The following ZBTB20 variants were observed in gnomAD, a reference collection of about 807,000 sequenced individuals.
ZBTB20 encodes zinc finger and BTB domain containing 20, also known as zinc finger and BTB domain-containing protein 20.
In ZBTB20, 9 loss-of-function variants were observed where a neutral mutation model predicts 56.9. The ratio of observed to expected loss-of-function variants is 0.16; its 90% CI spans 0.10 to 0.28. ZBTB20 has a LOEUF of 0.28. Ranked by LOEUF, ZBTB20 falls within the 10% of genes least tolerant of loss-of-function variation. ZBTB20 has a pLI of 1.00. For missense variants in ZBTB20, 655 were observed against 1,003.0 expected (o/e 0.65, Z 4.69); for synonymous variants, 417 against 420.7 (o/e 0.99, Z 0.11).
intron 7 of ZBTB20, among the ~76,000 whole-genome samples, chr3:114,421,037 A>G (rs2089118816): frequency 1.3e-5 from 2 of 152,178 alleles, no homozygotes; most frequent in African/African-American, 4.8e-5. Flanking sequence ...TTGATTGTTA[A>G]TAAGAAGCTT....
chr3:114,570,390 A>G (rs769749995), intron 6 of ZBTB20, among the ~76,000 whole-genome samples: 9 of 151,062 alleles, frequency 6.0e-5, no homozygotes, highest in Non-Finnish European at 1.3e-4. Flanking sequence ...ATGAAATACA[A>G]TATATTAATA....
chr3:114,785,297 A>G (rs1293784770), intron 5 of ZBTB20, among the ~76,000 whole-genome samples: 1 of 152,182 alleles, frequency 6.6e-6, no homozygotes, highest in African/African-American at 2.4e-5. Context: ...ATTGGAGAGA[A>G]AACTTGCTGT....
At chr3:114,401,499 C>T (rs1230430121) in intron 7 of ZBTB20, among the ~76,000 whole-genome samples, 1 of 151,954 alleles carries the variant, frequency 6.6e-6, no homozygotes, top group East Asian at 1.9e-4. Context: ...AGTGATATTC[C>T]AAAGGTTCTT....
At chr3:115,116,720 G>C (rs1322763828) in intron 1 of ZBTB20, among the ~76,000 whole-genome samples, 1 of 151,976 alleles carries the variant, frequency 6.6e-6, no homozygotes, top group Non-Finnish European at 1.5e-5. Context: ...GAAAGAAAGA[G>C]AGAGACAGAG....
chr3:114,842,511 G>A (rs115459702), intron 4 of ZBTB20, among the ~76,000 whole-genome samples: 2,349 of 152,208 alleles, frequency 0.015, 29 homozygotes, highest in South Asian at 0.037. Flanking sequence ...CTACCTTCAC[G>A]GAGCTTACAC....
At chr3:114,966,312 C>CA (rs1233444545) in intron 3 of ZBTB20, among the ~76,000 whole-genome samples, 1 of 151,286 alleles carries the variant, frequency 6.6e-6, no homozygotes, top group East Asian at 1.9e-4. Context: ...AGAGAACATG[C>CA]AAAAAAATAA....
At chr3:114,824,586 CA>C (rs1042536383) in intron 4 of ZBTB20, among the ~76,000 whole-genome samples, 4 of 151,838 alleles carry the variant, frequency 2.6e-5, no homozygotes, top group Admixed American at 6.6e-5. Context: ...ATTTTGTCAT[CA>C]TGTATGTTTG....
At chr3:114,438,180 G>A (rs1236252396) in intron 7 of ZBTB20, among the ~76,000 whole-genome samples, 1 of 152,062 alleles carries the variant, frequency 6.6e-6, no homozygotes, top group Non-Finnish European at 1.5e-5. Flanking sequence ...GCATTGGTGG[G>A]GGTCTGAGAG....
chr3:114,602,381 T>C (rs910832635), intron 6 of ZBTB20, among the ~76,000 whole-genome samples: 5 of 151,994 alleles, frequency 3.3e-5, no homozygotes, highest in African/African-American at 1.2e-4. Flanking sequence ...ATACAGAAAG[T>C]CATTATAGTA....
At chr3:114,957,129 T>G (rs922855587) in intron 3 of ZBTB20, among the ~76,000 whole-genome samples, 2 of 152,196 alleles carry the variant, frequency 1.3e-5, no homozygotes, top group Admixed American at 1.3e-4. Flanking sequence ...AAATGTTGTG[T>G]TCTGCTTAGG....
chr3:114,396,937 T>C (rs926098007), intron 7 of ZBTB20, among the ~76,000 whole-genome samples: 8 of 152,128 alleles, frequency 5.3e-5, no homozygotes. Flanking sequence ...CATCAGATGT[T>C]CCACACCCAG....
In ZBTB20 at chr3:115,104,378, C is replaced by G. The variant is rs938697499; in HGVS notation, c.-702-32964G>C. Among the ~76,000 whole-genome samples the G allele has an allele frequency of 2.6e-5, 4 of 152,162 alleles. No homozygotes were observed. In the East Asian group the frequency reaches 5.8e-4, roughly 22 times the overall value. On this transcript the variant is annotated intron_variant, in intron 1 of 11. Transcript: ENST00000675478. The stretch of plus-strand genomic sequence containing the variant: ...AAGGAATTGAAAACTTATGCCCACA[C>G]AAAAACCTACACACAGATGTTTACA...
intron 3 of ZBTB20, among the ~76,000 whole-genome samples, chr3:114,941,317 T>C (rs2076717081): frequency 6.8e-6 from 1 of 146,478 alleles, no homozygotes; most frequent in Non-Finnish European, 1.5e-5. Flanking sequence ...ACAAGTCCCA[T>C]TTTGTGAAAG....
At chr3:114,589,961 T>A (rs2055575106) in intron 6 of ZBTB20, among the ~76,000 whole-genome samples, 1 of 152,218 alleles carries the variant, frequency 6.6e-6, no homozygotes, top group Admixed American at 6.5e-5. Flanking sequence ...AACTTCATAT[T>A]TTTGGAGATG....
chr3:114,396,245 G>T (rs1188075321), intron 7 of ZBTB20, among the ~76,000 whole-genome samples: 2 of 152,126 alleles, frequency 1.3e-5, no homozygotes, highest in East Asian at 3.9e-4. Context: ...ACCTCTTACA[G>T]TGAGTATGTG....
chr3:114,617,435 T>TC (rs939653881), intron 6 of ZBTB20, among the ~76,000 whole-genome samples: 3 of 152,098 alleles, frequency 2.0e-5, no homozygotes, highest in Non-Finnish European at 4.4e-5. Flanking sequence ...CTTCCTCTGA[T>TC]CCCCCACTCC....
At chr3:114,858,887 T>A (rs1470403467) in intron 4 of ZBTB20, among the ~76,000 whole-genome samples, 1 of 152,094 alleles carries the variant, frequency 6.6e-6, no homozygotes, top group African/African-American at 2.4e-5. Flanking sequence ...GTCCTACTAC[T>A]TATCTAAAAA....
chr3:115,115,250 TG>T (rs796133838), intron 1 of ZBTB20, among the ~76,000 whole-genome samples: 10 of 152,230 alleles, frequency 6.6e-5, no homozygotes, highest in African/African-American at 2.4e-4. Flanking sequence ...GAAGTAGTTC[TG>T]TAACCTGCCT....
intron 7 of ZBTB20, among the ~76,000 whole-genome samples, chr3:114,465,798 C>A (rs2109191070): frequency 6.6e-6 from 1 of 152,020 alleles, no homozygotes; most frequent in South Asian, 2.1e-4. Flanking sequence ...ATGCTCATGA[C>A]ACGGCCATTT....
Sources: gnomAD v4.1 joint callset for allele counts (sites outside exome capture counted in the v4.1 genomes callset) on GRCh38, gnomAD v4.1.1 for gene constraint, MANE v1.5 for transcripts, NCBI Gene and HGNC (gene_info 2026-07-23, HGNC 2026-07-21) for gene names.